RARB: variants seen among roughly 807,000 people sequenced by gnomAD.
RARB encodes retinoic acid receptor beta, also known as HBV-activated protein.
Under a neutral mutation model 51.9 loss-of-function variants are expected in RARB, and 17 were observed. The observed-to-expected ratio is 0.33, with a 90% confidence interval of 0.22 to 0.49. The LOEUF is 0.49. Among genes scored for constraint, RARB ranks in the 20% least tolerant of loss-of-function variants. The pLI, the probability that RARB is intolerant of heterozygous loss-of-function variation, is 0.99. For synonymous variants in RARB, 215 were observed against 195.4 expected (o/e 1.10, Z -0.84); for missense variants, 369 against 550.8 (o/e 0.67, Z 3.30).
At chr3:25,157,612 G>A (rs756955242) in intron 4 of RARB, among the ~76,000 whole-genome samples, 7 of 151,996 alleles carry the variant, frequency 4.6e-5, no homozygotes, top group African/African-American at 7.3e-5. Flanking sequence ...GACCAGGCTC[G>A]TCTCAAACTC....
chr3:24,990,478 CTAGTA>C lies in RARB; in HGVS notation c.-379-69646_-379-69642del, dbSNP rs1340651944. 7.7e-5 allele frequency among the ~76,000 whole-genome samples: 8 copies of C among 104,458 alleles called. 2 individuals are homozygous for C. Among genetic ancestry groups the C allele is most frequent in the African/African-American group, 3.0e-4 (8 of 26,698 alleles). The allele number at this position is 104,458 out of a possible 152,430, so 68.5% of individuals were successfully genotyped here. On this transcript the variant is annotated intron_variant, in intron 2 of 11. Transcript: ENST00000383772. ...TAACATAAATATACTTAGATATACTCTAGTAAAGTTTGTTTTATTTTTATATTTTT... is the reference window on the plus strand; with the variant it reads ...TAACATAAATATACTTAGATATACTCAAGTTTGTTTTATTTTTATATTTTT...
chr3:25,448,406 TAACC>T (rs1709044610), intron 1 of RARB, among the ~76,000 whole-genome samples: 1 of 151,966 alleles, frequency 6.6e-6, no homozygotes, highest in African/African-American at 2.4e-5. Context: ...GGAAAAAAAA[TAACC>T]AACAATGTAG....
chr3:25,198,840 G>T (rs574110395), intron 5 of RARB, among the ~76,000 whole-genome samples: 98 of 152,058 alleles, frequency 6.4e-4, no homozygotes, highest in African/African-American at 2.3e-3. Flanking sequence ...AGGGTTGGAG[G>T]GAATGTAAAT....
chr3:25,388,219 A>C lies in RARB; in HGVS notation c.179-72974A>C, dbSNP rs1032808397. On this transcript the variant is annotated intron_variant, in intron 5 of 11. Transcript: ENST00000383772. ...TAATTATTACATACAGCATTGCATA[A>C]ATTTCTTCTTAATTAAAAAGCCTCT... Among the ~76,000 whole-genome samples, 12 of 152,346 alleles carry C rather than the reference A, an allele frequency of 7.9e-5. No homozygotes were observed. The East Asian group carries it at 1.9e-3, about 24-fold the overall frequency.
chr3:25,473,925 A>AAAAAAAAAAAAC lies in RARB; in HGVS notation c.306+12592_306+12593insAAACAAAAAAAA, dbSNP rs763479260. Reference sequence around the variant, plus strand: ...GGTATTTTCTATGTCTGGCAGGAAAAAAAAAAAACCTTTATCTTGGCTGCA... The same window carrying AAAAAAAAAAAAC: ...GGTATTTTCTATGTCTGGCAGGAAAAAAAAAAAAAAACAAAAAAAACCTTTATCTTGGCTGCA... On this transcript the variant is annotated intron_variant, in intron 2 of 7. Coordinates refer to ENST00000330688, the MANE Select transcript of RARB (RefSeq NM_000965.5). 4.7e-5 allele frequency among the ~76,000 whole-genome samples: 7 copies of AAAAAAAAAAAAC among 150,490 alleles called. No homozygotes were observed. In the East Asian group the frequency reaches 7.9e-4, roughly 17 times the overall value.
intron 5 of RARB, among the ~76,000 whole-genome samples, chr3:25,392,539 A>G (rs1256750761): frequency 6.6e-6 from 1 of 151,992 alleles, no homozygotes; most frequent in Non-Finnish European, 1.5e-5. Context: ...ATGTGTTTCC[A>G]TTTGTTTGTG....
intron 4 of RARB, among the ~76,000 whole-genome samples, chr3:25,166,018 C>T (rs2125348968): frequency 1.3e-5 from 2 of 151,834 alleles, no homozygotes; most frequent in South Asian, 4.2e-4. Context: ...TATTAAATGA[C>T]CCCTCCTGAT....
At chr3:25,489,250 G>C (rs956420349) in intron 2 of RARB, among the ~76,000 whole-genome samples, 1 of 152,152 alleles carries the variant, frequency 6.6e-6, no homozygotes, top group Non-Finnish European at 1.5e-5. Flanking sequence ...ACATAATATA[G>C]CTACTTTAAT....
At chr3:24,890,598 T>C (rs1703359258) in intron 2 of RARB, among the ~76,000 whole-genome samples, 1 of 152,172 alleles carries the variant, frequency 6.6e-6, no homozygotes, top group African/African-American at 2.4e-5. Context: ...GGGGGGCAAC[T>C]ACCCCTCAAA....
chr3:25,578,556 T>C (rs1701038339), intron 4 of RARB, among the ~76,000 whole-genome samples: 1 of 152,244 alleles, frequency 6.6e-6, no homozygotes, highest in Non-Finnish European at 1.5e-5. Context: ...TTCCGTGTCA[T>C]CTTCCTACGA....
At chr3:25,104,352 T>C (rs757990671) in intron 3 of RARB, among the ~76,000 whole-genome samples, 5 of 152,164 alleles carry the variant, frequency 3.3e-5, no homozygotes, top group African/African-American at 1.2e-4. Flanking sequence ...CACCCATTTA[T>C]TCCATTCCTA....
At chr3:25,271,224 G>T (rs1037067143) in intron 5 of RARB, among the ~76,000 whole-genome samples, 1 of 152,076 alleles carries the variant, frequency 6.6e-6, no homozygotes, top group Non-Finnish European at 1.5e-5. Flanking sequence ...ATACTGTCAG[G>T]TATTTAAGAA....
At chr3:25,317,081 T>TATTATA (rs1273827960) in intron 5 of RARB, among the ~76,000 whole-genome samples, 73,396 of 151,400 alleles carry the variant, frequency 0.48, 18,460 homozygotes, top group East Asian at 0.87. Context: ...TTATTATAAG[T>TATTATA]CGTGTAAAAG....
At chr3:25,232,727 G>A (rs1202411084) in intron 5 of RARB, among the ~76,000 whole-genome samples, 1 of 151,856 alleles carries the variant, frequency 6.6e-6, no homozygotes, top group South Asian at 2.1e-4. Flanking sequence ...ACTTTACAAT[G>A]GTCCAAAAAT....
chr3:25,174,208 T>TGGTCGCC, exon 5 of RARB: 1 of 343,866 alleles, frequency 2.9e-6, no homozygotes, highest in Admixed American at 3.8e-5. Flanking sequence ...CTGTAATCAG[T>TGGTCGCC]GTAGCAAAAT....
intron 5 of RARB, among the ~76,000 whole-genome samples, chr3:25,320,572 T>C (rs1704543563): frequency 6.6e-6 from 1 of 152,246 alleles, no homozygotes; most frequent in Non-Finnish European, 1.5e-5. Context: ...TCTTGCATTT[T>C]ACTTTGTTCC....
intron 2 of RARB, among the ~76,000 whole-genome samples, chr3:24,987,067 C>T (rs1459473003): frequency 1.3e-5 from 2 of 152,162 alleles, no homozygotes; most frequent in Non-Finnish European, 2.9e-5. Context: ...AATTTAATCA[C>T]TTCGCTTTTG....
At chr3:25,210,859 C>T (rs192340303) in intron 5 of RARB, among the ~76,000 whole-genome samples, 5 of 151,896 alleles carry the variant, frequency 3.3e-5, no homozygotes, top group African/African-American at 1.2e-4. Context: ...TACAGGAAAA[C>T]GTTTACTGAC....
At chr3:25,207,658 A>G (rs1701583784) in intron 5 of RARB, among the ~76,000 whole-genome samples, 1 of 152,230 alleles carries the variant, frequency 6.6e-6, no homozygotes, top group Non-Finnish European at 1.5e-5. Flanking sequence ...CCCTGCGGGA[A>G]TAAAACCCTG....
Sources: gnomAD v4.1 joint callset for allele counts (sites outside exome capture counted in the v4.1 genomes callset) on GRCh38, gnomAD v4.1.1 for gene constraint, MANE v1.5 for transcripts, NCBI Gene and HGNC (gene_info 2026-07-23, HGNC 2026-07-21) for gene names.